Variants in KCNIP4 observed in about 807,000 individuals in gnomAD.
KCNIP4 encodes Kv channel-interacting protein 4.
A neutral mutation model predicts 34.0 loss-of-function variants in KCNIP4; 12 were observed. That is an observed-to-expected ratio of 0.35 (90% CI 0.23 to 0.57). The LOEUF is 0.57. Among genes scored for constraint, KCNIP4 ranks in the 20% least tolerant of loss-of-function variants. KCNIP4 has a pLI of 0.83. For synonymous variants in KCNIP4, 124 were observed against 102.2 expected (o/e 1.21, Z -1.29); for missense variants, 238 against 311.7 (o/e 0.76, Z 1.78).
chr4:21,249,526 C>T (rs1344248850), intron 1 of KCNIP4, among the ~76,000 whole-genome samples: 1 of 151,792 alleles, frequency 6.6e-6, no homozygotes, highest in East Asian at 1.9e-4. Context: ...GCCTTTTTTT[C>T]GTTGATCTTG....
At chr4:21,666,890 A>G (rs993907534) in intron 1 of KCNIP4, among the ~76,000 whole-genome samples, 1 of 152,230 alleles carries the variant, frequency 6.6e-6, no homozygotes, top group Non-Finnish European at 1.5e-5. Flanking sequence ...CTTCAACTTC[A>G]GACCTTTCTA....
intron 1 of KCNIP4, among the ~76,000 whole-genome samples, chr4:20,922,943 A>T (rs1729551712): frequency 6.6e-6 from 1 of 152,110 alleles, no homozygotes; most frequent in Admixed American, 6.6e-5. Flanking sequence ...TTTACAGTTT[A>T]TAGTTAAACA....
At chr4:21,183,475 T>G (rs941701749) in intron 1 of KCNIP4, among the ~76,000 whole-genome samples, 6 of 146,082 alleles carry the variant, frequency 4.1e-5, no homozygotes, top group South Asian at 2.3e-4. Flanking sequence ...TTTTGTTTTT[T>G]TTTTTTTTGG....
intron 1 of KCNIP4, among the ~76,000 whole-genome samples, chr4:21,715,126 G>A (rs1262072034): frequency 2.0e-5 from 3 of 147,558 alleles, no homozygotes; most frequent in Non-Finnish European, 3.0e-5. Flanking sequence ...TGTCGCCCAG[G>A]CTGGAGTGCA....
At chr4:21,146,349 G>T (rs921355349) in intron 1 of KCNIP4, among the ~76,000 whole-genome samples, 23 of 152,102 alleles carry the variant, frequency 1.5e-4, no homozygotes, top group African/African-American at 4.6e-4. Context: ...AGTGAGCAGA[G>T]ATCACGCCAT....
At chr4:21,353,865 A>G (rs2109383977) in intron 1 of KCNIP4, among the ~76,000 whole-genome samples, 1 of 152,308 alleles carries the variant, frequency 6.6e-6, no homozygotes, top group East Asian at 1.9e-4. Context: ...CCAAGGTTGA[A>G]ATGAAGGAAA....
chr4:21,269,524 G>A (rs1046347267), intron 1 of KCNIP4, among the ~76,000 whole-genome samples: 1 of 151,970 alleles, frequency 6.6e-6, no homozygotes, highest in Non-Finnish European at 1.5e-5. Flanking sequence ...TCCCACCTCG[G>A]CCTCCCAAGT....
chr4:21,780,902 C>T (rs1282708446), intron 1 of KCNIP4, among the ~76,000 whole-genome samples: 2 of 152,172 alleles, frequency 1.3e-5, no homozygotes, highest in Non-Finnish European at 2.9e-5. Flanking sequence ...CCCAGTCCAT[C>T]CTTTGGCTTG....
At chr4:21,477,269 A>G (rs1245987781) in intron 1 of KCNIP4, among the ~76,000 whole-genome samples, 3 of 152,172 alleles carry the variant, frequency 2.0e-5, no homozygotes, top group African/African-American at 7.2e-5. Context: ...GCAACTTTGC[A>G]TTGCCAAGGT....
chr4:21,194,743 C>T (rs1755932481), intron 1 of KCNIP4, among the ~76,000 whole-genome samples: 1 of 152,160 alleles, frequency 6.6e-6, no homozygotes, highest in Non-Finnish European at 1.5e-5. Flanking sequence ...CATTGGAGCT[C>T]ATGCATTAAA....
chr4:21,338,264 CAAAAA>C (rs869150288), intron 1 of KCNIP4, among the ~76,000 whole-genome samples: 14 of 50,034 alleles, frequency 2.8e-4, no homozygotes, highest in Middle Eastern at 0.018. Context: ...GACTCCTTCT[CAAAAA>C]AAAAAAAAAA....
rs985925422 is a variant in KCNIP4, at chr4:21,070,226, T to C, written c.62-187517A>G. 4.6e-5 allele frequency among the ~76,000 whole-genome samples: 7 copies of C among 152,316 alleles called. No homozygotes were observed. In the East Asian group the frequency reaches 5.8e-4, roughly 13 times the overall value. ...TGCTGTGGATGTACCAGAGTTTGTT[T>C]AACTGCTCACCCACTGAGGCATATT... On this transcript the variant is annotated intron_variant, in intron 1 of 8. Coordinates refer to ENST00000382152, the MANE Select transcript of KCNIP4 (RefSeq NM_025221.6).
At chr4:21,918,881 T>A (rs1357874087) in intron 1 of KCNIP4, among the ~76,000 whole-genome samples, 1 of 152,152 alleles carries the variant, frequency 6.6e-6, no homozygotes, top group Non-Finnish European at 1.5e-5. Flanking sequence ...CTTCCTTAAG[T>A]CAATCCTGAG....
intron 1 of KCNIP4, among the ~76,000 whole-genome samples, chr4:21,453,570 T>C (rs565905657): frequency 2.0e-5 from 3 of 152,128 alleles, no homozygotes; most frequent in Admixed American, 2.0e-4. Context: ...GTCTCACCCT[T>C]GGCCCTTTGC....
intron 1 of KCNIP4, among the ~76,000 whole-genome samples, chr4:21,302,123 G>A (rs963239041): frequency 6.6e-6 from 1 of 152,152 alleles, no homozygotes; most frequent in African/African-American, 2.4e-5. Flanking sequence ...AAGTACAAGA[G>A]AGAAATTGTT....
chr4:20,847,855 A>C (rs1453764851), intron 3 of KCNIP4, among the ~76,000 whole-genome samples: 1 of 152,134 alleles, frequency 6.6e-6, no homozygotes, highest in Non-Finnish European at 1.5e-5. Flanking sequence ...GGAGAGTTTT[A>C]ATAGTTTCAT....
intron 1 of KCNIP4, among the ~76,000 whole-genome samples, chr4:21,736,681 C>T (rs1716013174): frequency 1.3e-5 from 2 of 152,154 alleles, no homozygotes; most frequent in Non-Finnish European, 1.5e-5. Flanking sequence ...CTTCCATTAT[C>T]TGTATTTTTA....
At chr4:20,946,566 G>A (rs1732214802) in intron 1 of KCNIP4, among the ~76,000 whole-genome samples, 2 of 152,122 alleles carry the variant, frequency 1.3e-5, no homozygotes, top group African/African-American at 2.4e-5. Flanking sequence ...TGTAGAAATT[G>A]GAATCTTGGA....
intron 1 of KCNIP4, among the ~76,000 whole-genome samples, chr4:20,909,233 G>A (rs1334655945): frequency 6.6e-6 from 1 of 152,062 alleles, no homozygotes; most frequent in East Asian, 1.9e-4. Flanking sequence ...TAATTTTTTT[G>A]TTATTTTACT....
Sources: allele counts gnomAD v4.1 joint callset (sites outside exome capture counted in the v4.1 genomes callset), GRCh38; gene constraint gnomAD v4.1.1; transcripts MANE v1.5; gene names NCBI Gene and HGNC (gene_info 2026-07-23, HGNC 2026-07-21).